The following ABCA12 variants were observed in gnomAD, a reference collection of about 807,000 sequenced individuals.
ABCA12 encodes ATP binding cassette subfamily A member 12.
In ABCA12, 156 loss-of-function variants were observed where a neutral mutation model predicts 293.5. The observed-to-expected ratio is 0.53, with a 90% CI of 0.47 to 0.61. ABCA12 has a LOEUF of 0.61. Among genes scored for constraint, ABCA12 ranks in the 20% least tolerant of loss-of-function variants. The pLI, the probability that ABCA12 is intolerant of heterozygous loss-of-function variation, is 0.00. For missense variants in ABCA12, 2,797 were observed against 3,090.2 expected (o/e 0.91, Z 2.25); for synonymous variants, 1,063 against 1,108.0 (o/e 0.96, Z 0.81).
chr2:214,976,131 G>A, intron 33 of ABCA12, 94 bp from the exon 34 acceptor site: 1 of 1,504,768 alleles, frequency 6.6e-7, no homozygotes, highest in Non-Finnish European at 9.1e-7. Context: ...ATAATACACT[G>A]TGGTGGGAAA....
chr2:214,952,395 ATTT>A (rs1698808226), intron 44 of ABCA12, among the ~76,000 whole-genome samples: 1 of 151,908 alleles, frequency 6.6e-6, no homozygotes, highest in South Asian at 2.1e-4. Context: ...TAGTTTTTGT[ATTT>A]TAAGTAGAGA....
intron 2 of ABCA12, among the ~76,000 whole-genome samples, chr2:215,078,093 G>A (rs1701867526): frequency 6.6e-6 from 1 of 152,186 alleles, no homozygotes; most frequent in African/African-American, 2.4e-5. Flanking sequence ...CTCCTGATGT[G>A]AATTCCCAAG....
At chr2:215,013,784 T>G (rs72950240) in intron 15 of ABCA12, among the ~76,000 whole-genome samples, 6,005 of 152,360 alleles carry the variant, frequency 0.039, 134 homozygotes, top group South Asian at 0.11. Flanking sequence ...GGTATTTGCT[T>G]CATTTCCCTA....
chr2:215,128,947 T>C (rs770149879), intron 1 of ABCA12, among the ~76,000 whole-genome samples: 4 of 152,342 alleles, frequency 2.6e-5, no homozygotes, highest in South Asian at 2.1e-4. Context: ...GGAAGATCTA[T>C]GTCTGAAGGC....
intron 45 of ABCA12, 61 bp from the exon 46 acceptor site, chr2:214,949,210 T>C (rs2105925250): frequency 5.2e-6 from 6 of 1,144,166 alleles, no homozygotes; most frequent in Non-Finnish European, 8.0e-6. Context: ...ACATTGCTTT[T>C]GTATCTCTCC....
chr2:215,110,047 C>T (rs1297183558), intron 2 of ABCA12, among the ~76,000 whole-genome samples: 2 of 152,144 alleles, frequency 1.3e-5, no homozygotes, highest in Non-Finnish European at 2.9e-5. Flanking sequence ...ACCCATGCTA[C>T]TTAAGATATG....
chr2:214,950,429 T>TAC (rs1698728207), intron 45 of ABCA12, among the ~76,000 whole-genome samples: 1 of 150,866 alleles, frequency 6.6e-6, no homozygotes, highest in Non-Finnish European at 1.5e-5. Flanking sequence ...TGTATATATA[T>TAC]GCATGTGTGT....
chr2:215,075,097 A>C (rs766884644), intron 2 of ABCA12, among the ~76,000 whole-genome samples: 1 of 152,264 alleles, frequency 6.6e-6, no homozygotes, highest in East Asian at 1.9e-4. Flanking sequence ...CCACCAATGC[A>C]TGGGAGCTTC....
intron 35 of ABCA12, 67 bp downstream of exon 35, chr2:214,974,711 A>C: frequency 2.8e-6 from 4 of 1,420,942 alleles, no homozygotes; most frequent in Non-Finnish European, 4.0e-6. Flanking sequence ...ACACACACCC[A>C]CATACACATG....
rs1389254614 is a variant in ABCA12, at chr2:214,981,984, A to ATTATTATTT, written c.4579+202_4579+203insAAATAATAA. 2.3e-5 allele frequency among the ~76,000 whole-genome samples: 3 copies of ATTATTATTT among 132,378 alleles called. 1 individual carries two copies. The highest frequency in any genetic ancestry group is 8.0e-5 in the Admixed American group (1 of 12,514). 86.8% of individuals were successfully genotyped at this position (132,378 alleles called of 152,430 possible). The stretch of plus-strand genomic sequence containing the variant: ...TATTATTATTATTATTATTATTATT[A>ATTATTATTT]TTTTATTATTATTGACAGCGTCTCA... On this transcript the variant is annotated intron_variant, in intron 30 of 52. Transcript: ENST00000272895.
At chr2:214,937,007 T>G (rs1387204635) in intron 51 of ABCA12, among the ~76,000 whole-genome samples, 1 of 152,102 alleles carries the variant, frequency 6.6e-6, no homozygotes, top group Non-Finnish European at 1.5e-5. Context: ...ATATAATTAA[T>G]TGATGCTATT....
chr2:214,945,347 C>T (rs1359757537), intron 48 of ABCA12, among the ~76,000 whole-genome samples: 1 of 152,062 alleles, frequency 6.6e-6, no homozygotes, highest in Non-Finnish European at 1.5e-5. Flanking sequence ...ACTTTACATC[C>T]GTCTCTTATG....
At chr2:215,048,157 CA>C (rs1475334793) in intron 6 of ABCA12, among the ~76,000 whole-genome samples, 1 of 151,810 alleles carries the variant, frequency 6.6e-6, no homozygotes, top group East Asian at 1.9e-4. Flanking sequence ...ATTAAAAAGT[CA>C]AAAAATAACA....
chr2:215,124,822 A>G (rs182155089), intron 1 of ABCA12, among the ~76,000 whole-genome samples: 115 of 152,162 alleles, frequency 7.6e-4, no homozygotes, highest in Non-Finnish European at 1.3e-3. Flanking sequence ...GGTCCCAGCT[A>G]TTTATCTTTG....
At chr2:215,103,598 C>T (rs1702403930) in intron 2 of ABCA12, among the ~76,000 whole-genome samples, 2 of 151,902 alleles carry the variant, frequency 1.3e-5, no homozygotes, top group Non-Finnish European at 1.5e-5. Context: ...ATTTCTGAGC[C>T]TCAGTTTCCT....
intron 39 of ABCA12, among the ~76,000 whole-genome samples, chr2:214,959,919 GT>G (rs1353952315): frequency 6.6e-6 from 1 of 152,152 alleles, no homozygotes; most frequent in Non-Finnish European, 1.5e-5. Flanking sequence ...GTGGAAAAGA[GT>G]GGTAGGGGAT....
chr2:215,023,051 A>G (rs1700664049), intron 11 of ABCA12: 1 of 152,250 alleles, frequency 6.6e-6, no homozygotes, highest in Non-Finnish European at 1.5e-5. Context: ...AAAGTCACCA[A>G]TGAATGCCAG....
At chr2:215,010,577 C>T (rs541181462) in intron 17 of ABCA12, 107 bp from the exon 18 acceptor site, 1 of 1,204,440 alleles carries the variant, frequency 8.3e-7, no homozygotes, top group Non-Finnish European at 1.2e-6. Flanking sequence ...AATACATGCT[C>T]TAGTACTTCC....
In ABCA12 at chr2:215,013,956, G is replaced by A. The variant is rs150003959; in HGVS notation, c.1956+1534C>T. Among the ~76,000 whole-genome samples, 1,172 of 152,276 alleles carry A rather than the reference G, an allele frequency of 7.7e-3. 17 individuals carry two copies. The highest frequency in any genetic ancestry group is 0.026 in the African/African-American group (1,100 of 41,564). On this transcript the variant is annotated intron_variant, in intron 15 of 52. Transcript: ENST00000272895. ...AGCACTTTGGGAGGCCAAGGTGTGA[G>A]GATCACTTGAGGTCAGGAGTTCAAG...
Sources: allele counts gnomAD v4.1 joint callset (sites outside exome capture counted in the v4.1 genomes callset), GRCh38; gene constraint gnomAD v4.1.1; transcripts MANE v1.5; gene names NCBI Gene and HGNC (gene_info 2026-07-23, HGNC 2026-07-21).